Variants in CPLX4 observed in about 807,000 individuals in gnomAD.
CPLX4 encodes the protein complexin 4, also known as complexin-4.
CPLX4 carries 17 observed loss-of-function variants against 16.1 expected under a neutral mutation model. That is an observed-to-expected ratio of 1.06 (90% CI 0.72 to 1.59). CPLX4 has a LOEUF of 1.59. CPLX4 is among the 40% of genes most tolerant of loss of function. CPLX4 has a pLI of 0.00. For synonymous variants in CPLX4, 55 were observed against 57.8 expected (o/e 0.95, Z 0.22); for missense variants, 193 against 192.9 (o/e 1.00, Z 0.00).
intron 1 of CPLX4, among the ~76,000 whole-genome samples, chr18:59,316,777 C>G (rs972402913): frequency 1.3e-5 from 2 of 152,098 alleles, no homozygotes. Flanking sequence ...CAAATAGATG[C>G]CTTATCTGCA....
chr18:59,314,978 GT>G (rs1478616602), intron 1 of CPLX4, among the ~76,000 whole-genome samples: 1 of 152,142 alleles, frequency 6.6e-6, no homozygotes, highest in East Asian at 1.9e-4. Context: ...TAAGAATATT[GT>G]TCTAGATTTT....
At chr18:59,316,420 A>G in intron 1 of CPLX4, among the ~76,000 whole-genome samples, 1 of 152,190 alleles carries the variant, frequency 6.6e-6, no homozygotes, top group East Asian at 1.9e-4. Flanking sequence ...GCTAACATTG[A>G]TTTTAATTAT....
chr18:59,306,378 GATACAT>G (rs1288121370), intron 2 of CPLX4, among the ~76,000 whole-genome samples: 1 of 152,208 alleles, frequency 6.6e-6, no homozygotes, highest in African/African-American at 2.4e-5. Flanking sequence ...GACTGGTATA[GATACAT>G]ATACATATAC....
rs1254040276 is a variant in CPLX4, at chr18:59,312,684, C to A, written c.255+1G>T. On this transcript the variant is annotated splice_donor_variant, in intron 2 of 2. Transcript: ENST00000299721. LOFTEE classifies it high-confidence loss of function. The stretch of plus-strand genomic sequence containing the variant: ...GATTAGATGTTTCCAGAGTGTCTTA[C>A]CTTTGGGAGCCTGTATTTTTCTCTG... 4.1e-6 allele frequency: 5 copies of A among 1,214,642 alleles called. No homozygotes were observed. The African/African-American group carries it at 7.4e-5, about 18-fold the overall frequency. 75.2% of individuals were successfully genotyped at this position (1,214,642 alleles called of 1,614,324 possible). A position where few individuals can be genotyped will look rare whatever the true frequency, so the allele number is the denominator to read the frequency against.
intron 1 of CPLX4, among the ~76,000 whole-genome samples, 153 bp downstream of exon 1, chr18:59,318,138 GTTTAC>G (rs2070663060): frequency 6.6e-6 from 1 of 152,070 alleles, no homozygotes; most frequent in South Asian, 2.1e-4. Flanking sequence ...TTAGGGAACC[GTTTAC>G]TTTAGAAGAA....
chr18:59,315,869 G>A (rs1453448915), intron 1 of CPLX4, among the ~76,000 whole-genome samples: 3 of 152,058 alleles, frequency 2.0e-5, no homozygotes, highest in Admixed American at 6.6e-5. Context: ...CTAATGCCAC[G>A]CAGAGTTACA....
chr18:59,318,292 T>A lies in CPLX4; in HGVS notation c.167+4A>T, dbSNP rs1245727758. On this transcript the variant is annotated splice_donor_region_variant and intron_variant, in intron 1 of 2. Transcript: ENST00000299721. ...TTAAGGGAAATGAAATAGCATGTAC[T>A]CACTTCTCCTCAATCATTTGCTTTT... 2 of 1,602,200 alleles carry A rather than the reference T, an allele frequency of 1.2e-6. No individual in the cohort carries two copies. The highest frequency in any genetic ancestry group is 3.5e-5 in the Admixed American group (2 of 57,954).
chr18:59,317,327 C>T (rs2070657712), intron 1 of CPLX4, among the ~76,000 whole-genome samples: 18 of 152,030 alleles, frequency 1.2e-4, no homozygotes, highest in Admixed American at 1.2e-3. Flanking sequence ...CATTTAACCT[C>T]TAGATTGATG....
chr18:59,295,574 A>G lies in CPLX4; in HGVS notation c.*1124T>C, dbSNP rs1445044619. ...CTGTATGAACAGAGTCACCAAAAAA[A>G]AAAAAAAAAATCAGTATTTTGTTTT... On this transcript the variant is annotated 3_prime_UTR_variant, in exon 3 of 3. Transcript: ENST00000299721. 3.3e-5 allele frequency: 5 copies of G among 152,142 alleles called. No individual in the cohort carries two copies. Among genetic ancestry groups the G allele is most frequent in the African/African-American group, 9.7e-5 (4 of 41,422 alleles). 9.4% of individuals were successfully genotyped at this position (152,142 alleles called of 1,614,324 possible).
intron 2 of CPLX4, among the ~76,000 whole-genome samples, chr18:59,305,316 A>G (rs983076182): frequency 6.6e-6 from 1 of 151,996 alleles, no homozygotes; most frequent in African/African-American, 2.4e-5. Flanking sequence ...GGCATACAGG[A>G]CAAGGAGTTC....
chr18:59,310,606 G>T (rs1174379755), intron 2 of CPLX4, among the ~76,000 whole-genome samples: 2 of 152,076 alleles, frequency 1.3e-5, no homozygotes, highest in Non-Finnish European at 2.9e-5. Context: ...TTATTATCAG[G>T]AAATAAGACT....
At chr18:59,315,697 CAAAT>C (rs1171744091) in intron 1 of CPLX4, among the ~76,000 whole-genome samples, 1 of 152,078 alleles carries the variant, frequency 6.6e-6, no homozygotes, top group Non-Finnish European at 1.5e-5. Flanking sequence ...TGATGCATGA[CAAAT>C]TAATTTTTGT....
Position 59,296,884 on chromosome 18 carries a change from A to C in CPLX4, c.297T>G (p.Asp99Glu), listed in dbSNP as rs1448052449. The change falls in exon 3 of 3, where the codon GAT becomes GAG. Residue 99 changes from aspartate to glutamate, a missense_variant. Asp to Glu is a conservative substitution (Grantham distance 45). Coordinates refer to ENST00000299721, the MANE Select transcript of CPLX4 (RefSeq NM_181654.4). ...TCCGGAGATCTTCAGGTAAATCCAC[A>C]TCATCTCCAGCCATCTGGATTTGAT... ...DENQIQMAGD[D>E]VDLPEDLRKM... is the part of the protein sequence containing the mutation. 2 of 1,613,030 alleles carry C rather than the reference A, an allele frequency of 1.2e-6. No homozygotes were observed. Among genetic ancestry groups the C allele is most frequent in the Non-Finnish European group, 1.7e-6 (2 of 1,179,876 alleles).
chr18:59,318,137 C>T (rs998770219), intron 1 of CPLX4, among the ~76,000 whole-genome samples, 159 bp downstream of exon 1: 42 of 152,024 alleles, frequency 2.8e-4, no homozygotes, highest in African/African-American at 9.9e-4. Flanking sequence ...GTTAGGGAAC[C>T]GTTTACTTTA....
chr18:59,304,316 A>C (rs2070561287), intron 2 of CPLX4, among the ~76,000 whole-genome samples: 1 of 152,200 alleles, frequency 6.6e-6, no homozygotes, highest in Non-Finnish European at 1.5e-5. Flanking sequence ...CTTGACTTAC[A>C]TATACATTTT....
chr18:59,297,216 C>T (rs1021682764), intron 2 of CPLX4, among the ~76,000 whole-genome samples: 3 of 152,128 alleles, frequency 2.0e-5, no homozygotes, highest in Middle Eastern at 3.4e-3. Flanking sequence ...ACTACAAATT[C>T]TTGGGCCCCA....
At chr18:59,297,993 T>A (rs1419720852) in intron 2 of CPLX4, among the ~76,000 whole-genome samples, 1 of 152,252 alleles carries the variant, frequency 6.6e-6, no homozygotes, top group Non-Finnish European at 1.5e-5. Flanking sequence ...TCGGTGTTGC[T>A]GACGCTGTCA....
intron 2 of CPLX4, among the ~76,000 whole-genome samples, chr18:59,300,161 G>A (rs1042193719): frequency 2.6e-5 from 4 of 152,058 alleles, no homozygotes; most frequent in African/African-American, 9.7e-5. Context: ...GTGAAACCCC[G>A]TCTCTACTAA....
In CPLX4 at chr18:59,318,548, T is replaced by C; in HGVS notation, c.-86A>G. On this transcript the variant is annotated 5_prime_UTR_variant, in exon 1 of 3. The change creates a new upstream start codon in the 5' untranslated region. Transcript: ENST00000299721. ...ACAAACCCAAGAGAAAACCTCCAAA[T>C]ATTCTCAATGACAGCAATACATTTA... 6.7e-7 allele frequency: 1 copy of C among 1,500,522 alleles called. No individual in the cohort carries two copies. The highest frequency in any genetic ancestry group is 8.8e-7 in the Non-Finnish European group (1 of 1,133,088). 93.0% of individuals were successfully genotyped at this position (1,500,522 alleles called of 1,614,324 possible).
Sources: gnomAD v4.1 joint callset for allele counts (sites outside exome capture counted in the v4.1 genomes callset) on GRCh38, gnomAD v4.1.1 for gene constraint, MANE v1.5 for transcripts, NCBI Gene and HGNC (gene_info 2026-07-23, HGNC 2026-07-21) for gene names.